DDX10: variants seen among roughly 807,000 people sequenced by gnomAD.
DDX10 encodes DEAD-box helicase 10.
In DDX10, 74 loss-of-function variants were observed where a neutral mutation model predicts 104.3. The ratio of observed to expected loss-of-function variants is 0.71; its 90% CI spans 0.59 to 0.86. The LOEUF (loss-of-function observed/expected upper bound fraction) is 0.86, where lower values mean the gene tolerates loss of function less well. DDX10 is among the 40% of genes least tolerant of loss of function. DDX10 has a pLI of 0.00. For missense variants in DDX10, 952 were observed against 1,040.0 expected, an observed-to-expected ratio of 0.92 and a Z score of 1.16; for synonymous variants, 351 against 353.4, an observed-to-expected ratio of 0.99 and a Z score of 0.08.
intron 15 of DDX10, among the ~76,000 whole-genome samples, chr11:108,846,565 C>T (rs1862721100): frequency 6.6e-6 from 1 of 152,112 alleles, no homozygotes; most frequent in Non-Finnish European, 1.5e-5. Flanking sequence ...TGGCTTATTT[C>T]ACTCTGCTAA....
intron 16 of DDX10, among the ~76,000 whole-genome samples, chr11:108,913,384 G>A (rs758138250): frequency 2.6e-5 from 4 of 152,128 alleles, no homozygotes; most frequent in South Asian, 2.1e-4. Context: ...TCACATGTGA[G>A]GCGGAGGTAG....
At chr11:108,914,604 T>G (rs1280379024) in intron 16 of DDX10, among the ~76,000 whole-genome samples, 1 of 152,166 alleles carries the variant, frequency 6.6e-6, no homozygotes, top group Non-Finnish European at 1.5e-5. Context: ...ATCTAGTGTT[T>G]CGGTAATATG....
intron 13 of DDX10, among the ~76,000 whole-genome samples, 166 bp downstream of exon 13, chr11:108,723,628 A>G (rs2094301634): frequency 6.6e-6 from 1 of 152,178 alleles, no homozygotes; most frequent in Non-Finnish European, 1.5e-5. Context: ...ATAAGTGCCA[A>G]TGAATTTTCA....
chr11:108,683,081 A>G (rs2094237838), intron 6 of DDX10, among the ~76,000 whole-genome samples: 1 of 152,028 alleles, frequency 6.6e-6, no homozygotes, highest in African/African-American at 2.4e-5. Context: ...TTGTCCTGAG[A>G]CTTGGGGTAT....
intron 13 of DDX10, among the ~76,000 whole-genome samples, chr11:108,800,062 C>T (rs369711010): frequency 1.4e-4 from 22 of 152,154 alleles, no homozygotes; most frequent in South Asian, 6.2e-4. Context: ...TTCAGCCTCC[C>T]GAGCAGCTGG....
chr11:108,877,796 G>T (rs969773756), intron 16 of DDX10, among the ~76,000 whole-genome samples: 15 of 152,154 alleles, frequency 9.9e-5, no homozygotes, highest in Non-Finnish European at 5.9e-5. Context: ...GGGTAGAAAC[G>T]CACAGTTCCC....
intron 17 of DDX10, among the ~76,000 whole-genome samples, chr11:108,923,376 C>T (rs1863860511): frequency 6.6e-6 from 1 of 152,122 alleles, no homozygotes; most frequent in Non-Finnish European, 1.5e-5. Flanking sequence ...AAAGTTACAC[C>T]ATGTTCAAAA....
At chr11:108,782,305 C>G (rs1021651888) in intron 13 of DDX10, among the ~76,000 whole-genome samples, 1 of 152,154 alleles carries the variant, frequency 6.6e-6, no homozygotes, top group Non-Finnish European at 1.5e-5. Flanking sequence ...AAAACACAGC[C>G]TCAATTTCTT....
At chr11:108,824,234 G>A (rs1862365498) in intron 13 of DDX10, among the ~76,000 whole-genome samples, 1 of 152,064 alleles carries the variant, frequency 6.6e-6, no homozygotes, top group Non-Finnish European at 1.5e-5. Context: ...GTAGAGATGG[G>A]GTTTCACTAT....
Position 108,773,737 on chromosome 11 carries a change from C to T in DDX10, c.1965+50275C>T, listed in dbSNP as rs147707835. Among the ~76,000 whole-genome samples the T allele has an allele frequency of 3.4e-4, 52 of 152,140 alleles. 1 individual carries two copies. The highest frequency in any genetic ancestry group is 9.9e-4 in the African/African-American group (41 of 41,508). On this transcript the variant is annotated intron_variant, in intron 13 of 17. Transcript: ENST00000322536. ...AATTGAGGACAAAATATAGTAAGGG[C>T]ATTTAATTTGCATCTTAGAGTTCCC... is the stretch of plus-strand genomic sequence containing the variant.
chr11:108,870,825 T>C (rs1477113894), intron 16 of DDX10, among the ~76,000 whole-genome samples: 1 of 152,198 alleles, frequency 6.6e-6, no homozygotes, highest in Non-Finnish European at 1.5e-5. Flanking sequence ...CACTGCTGAA[T>C]CACCAGTGCC....
intron 15 of DDX10, among the ~76,000 whole-genome samples, chr11:108,851,655 A>G (rs1012176767): frequency 6.6e-6 from 1 of 152,050 alleles, no homozygotes; most frequent in Non-Finnish European, 1.5e-5. Flanking sequence ...TAACATTTTT[A>G]TTTTTATTAG....
At chr11:108,762,725 A>C (rs138655977) in intron 13 of DDX10, among the ~76,000 whole-genome samples, 1 of 152,272 alleles carries the variant, frequency 6.6e-6, no homozygotes, top group African/African-American at 2.4e-5. Flanking sequence ...TCATGGTCTC[A>C]AAGTTTTTTC....
chr11:108,781,044 A>G (rs558041169), intron 13 of DDX10, among the ~76,000 whole-genome samples: 86 of 152,208 alleles, frequency 5.7e-4, no homozygotes, highest in African/African-American at 1.8e-3. Flanking sequence ...TGGTTTTTCA[A>G]TCCACACCCT....
chr11:108,818,994 G>C (rs538050211), intron 13 of DDX10, among the ~76,000 whole-genome samples: 10 of 152,300 alleles, frequency 6.6e-5, no homozygotes, highest in African/African-American at 2.2e-4. Context: ...TTGGGGTTCT[G>C]TTGGTGGGAA....
At chr11:108,842,465 T>C (rs1862651741) in intron 15 of DDX10, among the ~76,000 whole-genome samples, 1 of 152,208 alleles carries the variant, frequency 6.6e-6, no homozygotes, top group Non-Finnish European at 1.5e-5. Context: ...TGACCTTTCA[T>C]GGACCAGTAC....
At chr11:108,851,950 G>A (rs1298604512) in intron 15 of DDX10, among the ~76,000 whole-genome samples, 1 of 152,174 alleles carries the variant, frequency 6.6e-6, no homozygotes, top group African/African-American at 2.4e-5. Flanking sequence ...ATATAGAACT[G>A]GGATTTGATT....
rs933273712 is a variant in DDX10 at position 108,881,035 on chromosome 11, C to T, written c.2304+28826C>T. The stretch of plus-strand genomic sequence containing the variant: ...TTTGCTTTCTCTGAACCAAACCATA[C>T]GTATTGTTTAAAACTTCTCCTTAAT... On this transcript the variant is annotated intron_variant, in intron 16 of 17. Transcript: ENST00000322536. 6.6e-5 allele frequency among the ~76,000 whole-genome samples: 10 copies of T among 152,138 alleles called. No homozygotes were observed. The East Asian group carries it at 9.6e-4, about 15-fold the overall frequency.
intron 16 of DDX10, among the ~76,000 whole-genome samples, chr11:108,915,743 C>T (rs1416625357): frequency 6.6e-6 from 1 of 151,972 alleles, no homozygotes; most frequent in African/African-American, 2.4e-5. Context: ...TACACATCAA[C>T]GTTTGTTATG....
Sources: gnomAD v4.1 joint callset for allele counts (sites outside exome capture counted in the v4.1 genomes callset) on GRCh38, gnomAD v4.1.1 for gene constraint, MANE v1.5 for transcripts, NCBI Gene and HGNC (gene_info 2026-07-23, HGNC 2026-07-21) for gene names.